The following MPZL2 variants were observed in gnomAD, a reference collection of about 807,000 sequenced individuals.
MPZL2 encodes myelin protein zero-like protein 2.
A neutral mutation model predicts 24.5 loss-of-function variants in MPZL2; 32 were observed. The observed-to-expected ratio is 1.31, with a 90% CI of 0.99 to 1.76. The LOEUF (loss-of-function observed/expected upper bound fraction) is 1.76, where lower values mean the gene tolerates loss of function less well. Ranked by LOEUF, MPZL2 falls within the 40% of genes most tolerant of loss-of-function variation. The pLI, the probability that MPZL2 is intolerant of heterozygous loss-of-function variation, is 0.00. For synonymous variants in MPZL2, 92 were observed against 97.9 expected (o/e 0.94, Z 0.36); for missense variants, 304 against 274.9 (o/e 1.11, Z -0.75).
chr11:118,260,023 T>A (rs775940106), intron 4 of MPZL2, 31 bp downstream of exon 4: 1 of 1,612,736 alleles, frequency 6.2e-7, no homozygotes, highest in Non-Finnish European at 8.5e-7. Flanking sequence ...CATAAGAGTG[T>A]TAGAACTTTC....
intron 4 of MPZL2, 94 bp from the exon 5 acceptor site, chr11:118,257,407 AT>A: frequency 9.6e-7 from 1 of 1,044,752 alleles, no homozygotes; most frequent in Non-Finnish European, 1.5e-6. Context: ...TTTCCCCCAT[AT>A]TTTTGGAAGA....
At position 118,253,664 on chromosome 11, in the gene MPZL2, C is replaced by T. The variant is rs565740307; in HGVS notation, c.*1582G>A. Reference sequence around the variant, plus strand: ...CCAGGACATCTGTTTGAAGAAATATCCAGTTATAATATTTTCAAAGGTTAG... The same window carrying T: ...CCAGGACATCTGTTTGAAGAAATATTCAGTTATAATATTTTCAAAGGTTAG... On this transcript the variant is annotated 3_prime_UTR_variant, in exon 6 of 6. Transcript: ENST00000278937. The T allele has an allele frequency of 2.1e-4, 32 of 151,868 alleles. No homozygotes were observed. Among genetic ancestry groups the T allele is most frequent in the Non-Finnish European group, 3.8e-4 (26 of 67,952 alleles). The allele number at this position is 151,868 out of a possible 1,614,324, so 9.4% of individuals were successfully genotyped here.
intron 1 of MPZL2, among the ~76,000 whole-genome samples, chr11:118,263,650 T>A (rs766219816): frequency 6.6e-6 from 1 of 152,152 alleles, no homozygotes; most frequent in Non-Finnish European, 1.5e-5. Flanking sequence ...CCACGTGGCA[T>A]TTTTTTAAAC....
Position 118,260,042 on chromosome 11 carries a change from G to T in MPZL2, c.584+12C>A. On this transcript the variant is annotated intron_variant, in intron 4 of 5. Transcript: ENST00000278937. ...AGAGTGTTAGAACTTTCCCAGAACT[G>T]CCCAGCCTTACGATTTTATCTCCAC... 6.2e-7 allele frequency: 1 copy of T among 1,613,596 alleles called. No homozygotes were observed. The highest frequency in any genetic ancestry group is 8.5e-7 in the Non-Finnish European group (1 of 1,179,690).
At chr11:118,257,073 A>G in intron 5 of MPZL2, 165 bp downstream of exon 5, 1 of 460,602 alleles carries the variant, frequency 2.2e-6, no homozygotes, top group Non-Finnish European at 3.8e-6. Flanking sequence ...AGGAGGAGCT[A>G]TCCATAAGAC....
chr11:118,259,366 A>G (rs776929530), intron 4 of MPZL2: 8 of 152,256 alleles, frequency 5.3e-5, no homozygotes, highest in Non-Finnish European at 1.5e-5. Context: ...ATCAACAAGG[A>G]TGAGCCTTGA....
At chr11:118,261,720 A>G (rs1315515789) in intron 3 of MPZL2, among the ~76,000 whole-genome samples, 1 of 152,210 alleles carries the variant, frequency 6.6e-6, no homozygotes, top group Non-Finnish European at 1.5e-5. Flanking sequence ...GTTGCTTGGC[A>G]TGGTTTTCCA....
chr11:118,260,208 G>A lies in MPZL2; in HGVS notation c.437-7C>T. The A allele has an allele frequency of 6.2e-7, 1 of 1,608,482 alleles. No homozygotes were observed. The highest frequency in any genetic ancestry group is 1.1e-5 in the South Asian group (1 of 89,802). On this transcript the variant is annotated splice_region_variant and splice_polypyrimidine_tract_variant and intron_variant, in intron 3 of 5. Transcript: ENST00000278937. ...TGGATCTCAGAGAAGCGTACTGTAA[G>A]GAGAAAAAGATTAAATTAGGATTCT...
intron 4 of MPZL2, chr11:118,259,789 T>A (rs1050434106): frequency 1.3e-5 from 4 of 301,976 alleles, no homozygotes; most frequent in Non-Finnish European, 2.4e-5. Flanking sequence ...AGGGATTTTT[T>A]AGAAAAGCTT....
At chr11:118,259,187 C>T (rs984526254) in intron 4 of MPZL2, 1 of 143,390 alleles carries the variant, frequency 7.0e-6, no homozygotes, top group Non-Finnish European at 1.6e-5. Flanking sequence ...GAATTAAAAA[C>T]ATATGATCTA....
rs376799391 is a variant in MPZL2, at chr11:118,262,438, C to T, written c.436G>A (p.Val146Ile). The T allele has an allele frequency of 1.2e-6, 2 of 1,613,462 alleles. No individual in the cohort carries two copies. Among genetic ancestry groups the T allele is most frequent in the African/African-American group, 2.7e-5 (2 of 74,874 alleles). Residue 146 changes from valine (V) to isoleucine (I), a missense_variant and splice_region_variant, in exon 3 of 6, where the codon GTA (valine) becomes ATA (isoleucine). Val to Ile is a conservative substitution (Grantham distance 29, BLOSUM62 3). Transcript: ENST00000278937. ...AACCACTGTTCCCTGCATAACCTAC[C>T]AGTGTGCACGACGCTGAGCCGGATC... is the stretch of plus-strand genomic sequence containing the variant. ...GEIRLSVVHT[V>I]RFSEIHFLAL...
rs183583027 is a variant in MPZL2 at position 118,259,943 on chromosome 11, T to C, written c.584+111A>G. ...TCCTGCAAATGTGAATTCTTTTATA[T>C]AGGATTTACTTAAAGGGAAAAACAT... On this transcript the variant is annotated intron_variant, in intron 4 of 5. Coordinates refer to ENST00000278937, the MANE Select transcript of MPZL2 (RefSeq NM_005797.4). 19 of 1,258,984 alleles carry C rather than the reference T, an allele frequency of 1.5e-5. No individual in the cohort carries two copies. The African/African-American group carries it at 2.4e-4, about 16-fold the overall frequency. 78.0% of individuals were successfully genotyped at this position (1,258,984 alleles called of 1,614,324 possible).
chr11:118,262,784 G>T, intron 2 of MPZL2, 136 bp from the exon 3 acceptor site: 2 of 1,343,478 alleles, frequency 1.5e-6, no homozygotes, highest in South Asian at 1.3e-5. Context: ...CCCCTTCAAC[G>T]GCCTCTCAGT....
intron 4 of MPZL2, among the ~76,000 whole-genome samples, chr11:118,258,232 G>GT (rs1949675360): frequency 6.6e-6 from 1 of 152,112 alleles, no homozygotes; most frequent in Admixed American, 6.6e-5. Flanking sequence ...TTAGGCAGTG[G>GT]TTTTTTAGAT....
chr11:118,261,902 ATT>A (rs1949703096), intron 3 of MPZL2, among the ~76,000 whole-genome samples: 2 of 152,228 alleles, frequency 1.3e-5, no homozygotes, highest in Non-Finnish European at 2.9e-5. Flanking sequence ...GATGGGAGGC[ATT>A]AAATGCACAA....
intron 2 of MPZL2, 139 bp downstream of exon 2, chr11:118,262,792 A>G (rs76132804): frequency 2.0e-5 from 27 of 1,358,608 alleles, no homozygotes; most frequent in Non-Finnish European, 2.8e-5. Flanking sequence ...ACGGCCTCTC[A>G]GTCTCTGTCC....
chr11:118,258,011 A>C (rs1276677221), intron 4 of MPZL2, among the ~76,000 whole-genome samples: 1 of 126,448 alleles, frequency 7.9e-6, no homozygotes, highest in Non-Finnish European at 1.5e-5. Flanking sequence ...AGTCTGTCTC[A>C]AAAAAAAAAA....
At chr11:118,260,008 G>A in intron 4 of MPZL2, 46 bp downstream of exon 4, 1 of 1,605,876 alleles carries the variant, frequency 6.2e-7, no homozygotes. Context: ...AATACCAAGA[G>A]TCGCCATAAG....
intron 1 of MPZL2, 68 bp from the exon 2 acceptor site, chr11:118,263,165 C>G (rs1949715680): frequency 2.0e-6 from 3 of 1,473,350 alleles, no homozygotes; most frequent in Non-Finnish European, 2.8e-6. Context: ...TCTGCTGACA[C>G]TTCCAAAATA....
Sources: allele counts gnomAD v4.1 joint callset (sites outside exome capture counted in the v4.1 genomes callset), GRCh38; gene constraint gnomAD v4.1.1; transcripts MANE v1.5; gene names NCBI Gene and HGNC (gene_info 2026-07-23, HGNC 2026-07-21).